Variants in TMEM266 observed in about 807,000 individuals in gnomAD.
The protein encoded by TMEM266 is Hv1 related protein 1.
A neutral mutation model predicts 50.5 loss-of-function variants in TMEM266; 33 were observed. That is an observed-to-expected ratio of 0.65 (90% confidence interval 0.50 to 0.87). The LOEUF (loss-of-function observed/expected upper bound fraction) is 0.87. Ranked by LOEUF, TMEM266 falls within the 40% of genes least tolerant of loss-of-function variation. The pLI, the probability that TMEM266 is intolerant of heterozygous loss-of-function variation, is 0.00. For missense variants in TMEM266, 655 were observed against 695.1 expected (o/e 0.94, Z 0.65); for synonymous variants, 310 against 292.3 (o/e 1.06, Z -0.62).
chr15:76,088,270 AAGAC>A (rs1282873967), intron 1 of TMEM266, among the ~76,000 whole-genome samples: 3 of 152,234 alleles, frequency 2.0e-5, no homozygotes, highest in Non-Finnish European at 2.9e-5. Flanking sequence ...AGATGGCAAT[AAGAC>A]AGTGTGATGA....
chr15:76,105,218 C>A (rs2037062617), intron 1 of TMEM266, among the ~76,000 whole-genome samples: 1 of 152,006 alleles, frequency 6.6e-6, no homozygotes, highest in Admixed American at 6.6e-5. Context: ...TGTACTCCAG[C>A]CTGAGTGACA....
chr15:76,136,459 G>T (rs989057509), intron 2 of TMEM266, among the ~76,000 whole-genome samples: 1 of 152,154 alleles, frequency 6.6e-6, no homozygotes, highest in African/African-American at 2.4e-5. Flanking sequence ...TTCAGGAGGA[G>T]CCCTGCAGAA....
At chr15:76,115,784 C>A (rs1243537426) in intron 1 of TMEM266, among the ~76,000 whole-genome samples, 1 of 152,130 alleles carries the variant, frequency 6.6e-6, no homozygotes, top group Non-Finnish European at 1.5e-5. Context: ...CAATATGTAT[C>A]CCTTCTATAT....
intron 1 of TMEM266, among the ~76,000 whole-genome samples, chr15:76,085,380 C>T (rs1360544765): frequency 6.6e-6 from 1 of 151,960 alleles, no homozygotes; most frequent in African/African-American, 2.4e-5. Context: ...GCCTCAGCCT[C>T]CTGAGTAGCT....
rs1426052807 is a variant in TMEM266, at chr15:76,160,006, C to A, written c.383-89C>A. 1 of 1,315,076 alleles carries A rather than the reference C, an allele frequency of 7.6e-7. No individual in the cohort carries two copies. The highest frequency in any genetic ancestry group is 1.1e-6 in the Non-Finnish European group (1 of 922,552). 81.5% of individuals were successfully genotyped at this position (1,315,076 alleles called of 1,614,324 possible). On this transcript the variant is annotated intron_variant, in intron 4 of 10. Coordinates refer to ENST00000388942, the MANE Select transcript of TMEM266 (RefSeq NM_152335.3). The surrounding 1 kb of genome is among the most constrained non-coding windows in gnomAD (Gnocchi z 5.7). ...GTTCATGCAGGCGGGCCCCGGGGTC[C>A]CAGAGGTCTGGACGGATGCTGCGAA...
intron 5 of TMEM266, among the ~76,000 whole-genome samples, chr15:76,163,543 C>T (rs2038048581): frequency 6.6e-6 from 1 of 152,218 alleles, no homozygotes; most frequent in Non-Finnish European, 1.5e-5. Flanking sequence ...CAGGGCCTTG[C>T]AATCCAGATG....
At position 76,139,655 on chromosome 15, in the gene TMEM266, G is replaced by C. The variant is rs756710201; in HGVS notation, c.227+1760G>C. ...TTCTCTGAGCACCCAGCAAGTCACTGCGTCACTGCTCTCTGGTGGTCAAAA... is the reference window on the plus strand; with the variant it reads ...TTCTCTGAGCACCCAGCAAGTCACTCCGTCACTGCTCTCTGGTGGTCAAAA... On this transcript the variant is annotated intron_variant, in intron 3 of 10. Transcript: ENST00000388942. This position sits in a 1 kb window ranked among gnomAD's most constrained non-coding sequence, Gnocchi z 4.1. 6.6e-6 allele frequency among the ~76,000 whole-genome samples: 1 copy of C among 152,238 alleles called. No individual in the cohort carries two copies. The highest frequency in any genetic ancestry group is 1.5e-5 in the Non-Finnish European group (1 of 68,046).
chr15:76,085,251 G>C (rs112063545), intron 1 of TMEM266, among the ~76,000 whole-genome samples: 1 of 148,392 alleles, frequency 6.7e-6, no homozygotes, highest in Non-Finnish European at 1.5e-5. Flanking sequence ...GAGCCACCGC[G>C]CCCAGCCTTT....
At chr15:76,130,239 A>C (rs1567161556) in intron 1 of TMEM266, among the ~76,000 whole-genome samples, 7 of 135,908 alleles carry the variant, frequency 5.2e-5, no homozygotes, top group South Asian at 2.8e-4. Flanking sequence ...AAAAAAAAAA[A>C]AAAAAAAAAA....
intron 1 of TMEM266, among the ~76,000 whole-genome samples, chr15:76,083,096 C>T (rs1235752642): frequency 6.6e-6 from 1 of 152,266 alleles, no homozygotes; most frequent in East Asian, 1.9e-4. Context: ...CCAAGCACCT[C>T]CCACTAGTTC....
chr15:76,170,792 G>C (rs1476425281), intron 6 of TMEM266, among the ~76,000 whole-genome samples: 3 of 152,202 alleles, frequency 2.0e-5, no homozygotes, highest in Non-Finnish European at 2.9e-5. Flanking sequence ...GGAGGACAGA[G>C]TGCATTCAGG....
At chr15:76,085,622 T>G (rs1274929151) in intron 1 of TMEM266, among the ~76,000 whole-genome samples, 1 of 152,140 alleles carries the variant, frequency 6.6e-6, no homozygotes, top group Non-Finnish European at 1.5e-5. Flanking sequence ...GCTGGTGGTG[T>G]TATAAAATGG....
At chr15:76,183,724 A>G (rs1567180049) in intron 8 of TMEM266, among the ~76,000 whole-genome samples, 1 of 152,158 alleles carries the variant, frequency 6.6e-6, no homozygotes, top group Non-Finnish European at 1.5e-5. Context: ...GCACAGCCAC[A>G]CTTATCAAAG....
At chr15:76,138,527 G>A (rs921332846) in intron 3 of TMEM266, among the ~76,000 whole-genome samples, 7 of 152,226 alleles carry the variant, frequency 4.6e-5, no homozygotes, top group African/African-American at 1.7e-4. Context: ...TTAGGGACTT[G>A]CCCAAGGTCA....
At chr15:76,130,564 GA>G (rs2037494906) in intron 1 of TMEM266, among the ~76,000 whole-genome samples, 1 of 152,220 alleles carries the variant, frequency 6.6e-6, no homozygotes, top group East Asian at 1.9e-4. Flanking sequence ...ACTTGGGGAT[GA>G]TGATAGTTTT....
In TMEM266 at chr15:76,161,189, C is replaced by T. The variant is rs146692316; in HGVS notation, c.456+1021C>T. Among the ~76,000 whole-genome samples the T allele has an allele frequency of 4.6e-5, 7 of 152,296 alleles. No homozygotes were observed. Among genetic ancestry groups the T allele is most frequent in the African/African-American group, 9.6e-5 (4 of 41,562 alleles). ...GTACATATTAGCCCATGCAAAGTCC[C>T]GTGGGCCTTTCAGCATGGCTCAGGA... On this transcript the variant is annotated intron_variant, in intron 5 of 10. Transcript: ENST00000388942. This position sits in a 1 kb window ranked among gnomAD's most constrained non-coding sequence, Gnocchi z 4.1.
chr15:76,114,523 C>T (rs2037218491), intron 1 of TMEM266, among the ~76,000 whole-genome samples: 1 of 152,046 alleles, frequency 6.6e-6, no homozygotes, highest in Admixed American at 6.6e-5. Context: ...GTCTCAAAAA[C>T]AAAAACAAAA....
At chr15:76,080,399 G>A (rs532267998) in intron 1 of TMEM266, among the ~76,000 whole-genome samples, 2 of 146,832 alleles carry the variant, frequency 1.4e-5, no homozygotes, top group Non-Finnish European at 1.5e-5. Flanking sequence ...TTACAGGTAT[G>A]CACCACCACG....
chr15:76,166,221 G>A (rs28493066), intron 5 of TMEM266, among the ~76,000 whole-genome samples: 1 of 152,122 alleles, frequency 6.6e-6, no homozygotes, highest in South Asian at 2.1e-4. Context: ...TCTGGGGAGG[G>A]GAAGGATGCT....
Sources: gnomAD v4.1 joint callset for allele counts (sites outside exome capture counted in the v4.1 genomes callset) on GRCh38, gnomAD v4.1.1 for gene constraint, Gnocchi (gnomAD v3.1) non-coding constraint, MANE v1.5 for transcripts, NCBI Gene and HGNC (gene_info 2026-07-23, HGNC 2026-07-21) for gene names.